The following EPHB1 variants were observed in gnomAD, a reference collection of about 807,000 sequenced individuals.
The protein encoded by EPHB1 is ephrin type-B receptor 1.
EPHB1 carries 30 observed loss-of-function variants against 94.4 expected under a neutral mutation model. The ratio of observed to expected loss-of-function variants is 0.32; its 90% CI spans 0.24 to 0.43. The LOEUF (loss-of-function observed/expected upper bound fraction) is 0.43. Ranked by LOEUF, EPHB1 falls within the 20% of genes least tolerant of loss-of-function variation. The pLI, the probability that EPHB1 is intolerant of heterozygous loss-of-function variation, is 1.00. For missense variants in EPHB1, 1,055 were observed against 1,308.3 expected, an observed-to-expected ratio of 0.81 and a Z score of 2.99; for synonymous variants, 522 against 489.1, an observed-to-expected ratio of 1.07 and a Z score of -0.89.
Position 134,955,071 on chromosome 3 carries a change from CTTTTTTTTTTTTTTTT to C in EPHB1, c.805+3036_805+3051del, listed in dbSNP as rs1197013147. ...CTAAGGCCTGTTCCTGACATCCTTTCTTTTTTTTTTTTTTTTTTTTTTTTTTTTTTTTAATTTTTTT... is the reference window on the plus strand; with the variant it reads ...CTAAGGCCTGTTCCTGACATCCTTTCTTTTTTTTTTTTTTTTAATTTTTTT... On this transcript the variant is annotated intron_variant, in intron 3 of 15. Coordinates refer to ENST00000398015, the MANE Select transcript of EPHB1 (RefSeq NM_004441.5). Among the ~76,000 whole-genome samples the C allele has an allele frequency of 1.2e-3, 10 of 8,416 alleles. No homozygotes were observed. The East Asian group carries it at 0.032, about 27-fold the overall frequency. The allele number at this position is 8,416 out of a possible 152,430, so 5.5% of individuals were successfully genotyped here. A position where few individuals can be genotyped will look rare whatever the true frequency, so the allele number is the denominator to read the frequency against.
At chr3:135,125,929 T>G (rs1188487556) in intron 4 of EPHB1, among the ~76,000 whole-genome samples, 1 of 152,186 alleles carries the variant, frequency 6.6e-6, no homozygotes, top group Non-Finnish European at 1.5e-5. Context: ...TCAAAGACCC[T>G]TTTACCTTCT....
At chr3:135,207,707 G>A (rs1442308975) in intron 12 of EPHB1, among the ~76,000 whole-genome samples, 2 of 152,232 alleles carry the variant, frequency 1.3e-5, no homozygotes, top group Non-Finnish European at 2.9e-5. Context: ...GGCTCCCATA[G>A]CAAGCTACCA....
intron 12 of EPHB1, among the ~76,000 whole-genome samples, chr3:135,217,741 G>A (rs9858763): frequency 0.42 from 64,321 of 151,810 alleles, 13,957 homozygotes; most frequent in Middle Eastern, 0.51. Context: ...AATGCACTTA[G>A]TACATTATAA....
rs1934859382 is a variant in EPHB1, at chr3:134,992,805, G to A, written c.805+40753G>A. 1.3e-5 allele frequency among the ~76,000 whole-genome samples: 2 copies of A among 152,132 alleles called. 1 individual carries two copies. The highest frequency in any genetic ancestry group is 4.2e-4 in the South Asian group (2 of 4,814). On this transcript the variant is annotated intron_variant, in intron 3 of 15. Coordinates refer to ENST00000398015, the MANE Select transcript of EPHB1 (RefSeq NM_004441.5). Reference sequence around the variant, plus strand: ...CTCTACTCACAGTGAGGCAGGAAATGGAACAAAATCTCACCCACTTCCTTA... The same window carrying A: ...CTCTACTCACAGTGAGGCAGGAAATAGAACAAAATCTCACCCACTTCCTTA...
chr3:135,128,754 G>T (rs1396680790), intron 4 of EPHB1, among the ~76,000 whole-genome samples: 1 of 152,084 alleles, frequency 6.6e-6, no homozygotes, highest in Non-Finnish European at 1.5e-5. Context: ...TGGTTTTTCT[G>T]CCTCTCAAGT....
At position 134,795,410 on chromosome 3, in the gene EPHB1, C is replaced by A; in HGVS notation, c.-222C>A. 1.8e-6 allele frequency: 1 copy of A among 550,040 alleles called. No homozygotes were observed. The highest frequency in any genetic ancestry group is 3.2e-6 in the Non-Finnish European group (1 of 315,778). The allele number at this position is 550,040 out of a possible 1,614,324, so 34.1% of individuals were successfully genotyped here. A position where few individuals can be genotyped will look rare whatever the true frequency, so the allele number is the denominator to read the frequency against. ...CACACACCCACCTCTCCCATAAACACACACACACACATGCACACCCACACC... is the reference window on the plus strand; with the variant it reads ...CACACACCCACCTCTCCCATAAACAAACACACACACATGCACACCCACACC... On this transcript the variant is annotated 5_prime_UTR_variant, in exon 1 of 16. Transcript: ENST00000398015.
chr3:135,158,438 T>C (rs1469536574), intron 6 of EPHB1, among the ~76,000 whole-genome samples: 3 of 152,184 alleles, frequency 2.0e-5, no homozygotes, highest in Non-Finnish European at 4.4e-5. Context: ...ATAGGCAATA[T>C]GCAAATTGAT....
chr3:135,129,419 C>CTACT (rs1162660567), intron 4 of EPHB1, among the ~76,000 whole-genome samples: 4 of 152,284 alleles, frequency 2.6e-5, no homozygotes, highest in African/African-American at 9.6e-5. Context: ...TGGGTCATCA[C>CTACT]TGATTACTGC....
chr3:135,258,724 A>G (rs1228782555), intron 15 of EPHB1, among the ~76,000 whole-genome samples: 3 of 152,204 alleles, frequency 2.0e-5, no homozygotes, highest in African/African-American at 2.4e-5. Context: ...TCTGAGGGTC[A>G]GGAGACAATG....
chr3:134,798,623 C>A (rs1489892940), intron 1 of EPHB1, among the ~76,000 whole-genome samples: 1 of 152,178 alleles, frequency 6.6e-6, no homozygotes, highest in Non-Finnish European at 1.5e-5. Flanking sequence ...CATCCTCCTG[C>A]CTTCTGGACA....
At chr3:135,158,211 A>G (rs532377882) in intron 6 of EPHB1, among the ~76,000 whole-genome samples, 2 of 152,226 alleles carry the variant, frequency 1.3e-5, no homozygotes, top group South Asian at 4.1e-4. Flanking sequence ...TCAGCACAGT[A>G]GATGTCTTGG....
chr3:134,838,756 T>C (rs1165458390), intron 1 of EPHB1, among the ~76,000 whole-genome samples: 1 of 152,126 alleles, frequency 6.6e-6, no homozygotes, highest in African/African-American at 2.4e-5. Context: ...ACAAATCATG[T>C]CTTAAGTTTG....
At chr3:135,039,379 A>C (rs1291736379) in intron 3 of EPHB1, among the ~76,000 whole-genome samples, 1 of 152,216 alleles carries the variant, frequency 6.6e-6, no homozygotes, top group Non-Finnish European at 1.5e-5. Context: ...TGGATCCCGC[A>C]CTGGGGCTGC....
At chr3:135,157,035 T>G (rs778263224) in intron 6 of EPHB1, among the ~76,000 whole-genome samples, 1 of 152,226 alleles carries the variant, frequency 6.6e-6, no homozygotes, top group African/African-American at 2.4e-5. Context: ...TTATAAACAT[T>G]ATCTACTTTC....
chr3:134,877,446 G>A (rs2037639447), intron 1 of EPHB1, among the ~76,000 whole-genome samples: 2 of 152,138 alleles, frequency 1.3e-5, no homozygotes, highest in South Asian at 4.1e-4. Flanking sequence ...TTGAACACCT[G>A]TCCTTCTTTT....
At chr3:135,242,692 G>A (rs1200770795) in intron 13 of EPHB1, among the ~76,000 whole-genome samples, 3 of 152,134 alleles carry the variant, frequency 2.0e-5, no homozygotes, top group East Asian at 1.9e-4. Flanking sequence ...ATCAGTAAGC[G>A]GTGGAGTTAG....
chr3:134,852,507 A>AT (rs2108300157), intron 1 of EPHB1: 1 of 152,140 alleles, frequency 6.6e-6, no homozygotes, highest in East Asian at 1.9e-4. Flanking sequence ...TTTGAAGAGG[A>AT]TTTTTGTAGG....
intron 9 of EPHB1, among the ~76,000 whole-genome samples, chr3:135,171,745 A>G (rs1197257617): frequency 1.3e-5 from 2 of 152,242 alleles, no homozygotes; most frequent in African/African-American, 4.8e-5. Context: ...TTATTGATGC[A>G]GTATAATACT....
chr3:135,173,489 T>A (rs986459565), intron 9 of EPHB1, among the ~76,000 whole-genome samples: 1 of 152,276 alleles, frequency 6.6e-6, no homozygotes. Flanking sequence ...CCCACTGCTT[T>A]TCCAGCCTGC....
Sources: gnomAD v4.1 joint callset for allele counts (sites outside exome capture counted in the v4.1 genomes callset) on GRCh38, gnomAD v4.1.1 for gene constraint, MANE v1.5 for transcripts, NCBI Gene and HGNC (gene_info 2026-07-23, HGNC 2026-07-21) for gene names.